The following SMURF2 variants were observed in gnomAD, a reference collection of about 807,000 sequenced individuals.
SMURF2 encodes SMAD specific E3 ubiquitin protein ligase 2.
A neutral mutation model predicts 109.6 loss-of-function variants in SMURF2; 48 were observed. The observed-to-expected ratio is 0.44, with a 90% confidence interval of 0.35 to 0.56. The LOEUF (loss-of-function observed/expected upper bound fraction) is 0.56, where lower values mean the gene tolerates loss of function less well. Among genes scored for constraint, SMURF2 ranks in the 20% least tolerant of loss-of-function variants. The probability of loss-of-function intolerance (pLI) is 0.01; values close to 1 mark genes in which losing one functional copy is unlikely to be tolerated. For synonymous variants in SMURF2, 288 were observed against 317.1 expected (o/e 0.91, Z 0.97); for missense variants, 575 against 909.0 (o/e 0.63, Z 4.72).
At chr17:64,555,420 A>G (rs1969104504) in intron 14 of SMURF2, among the ~76,000 whole-genome samples, 1 of 152,236 alleles carries the variant, frequency 6.6e-6, no homozygotes, top group Non-Finnish European at 1.5e-5. Context: ...AAACAGAATC[A>G]GTTCTTAGCT....
intron 1 of SMURF2, among the ~76,000 whole-genome samples, chr17:64,622,433 A>C (rs1970218794): frequency 6.6e-6 from 1 of 152,216 alleles, no homozygotes; most frequent in African/African-American, 2.4e-5. Flanking sequence ...ACCGTAATAC[A>C]TTTAGTCATG....
intron 10 of SMURF2, among the ~76,000 whole-genome samples, chr17:64,567,080 A>G (rs1198646604): frequency 6.7e-6 from 1 of 150,238 alleles, no homozygotes; most frequent in Non-Finnish European, 1.5e-5. Flanking sequence ...CTGATCTCCA[A>G]CTCCTGGCCT....
At chr17:64,567,096 GA>G (rs1969325232) in intron 10 of SMURF2, among the ~76,000 whole-genome samples, 1 of 151,746 alleles carries the variant, frequency 6.6e-6, no homozygotes, top group South Asian at 2.1e-4. Flanking sequence ...GGCCTCAAGT[GA>G]TCTACCCGCC....
chr17:64,656,845 T>C (rs1970712692), intron 1 of SMURF2, among the ~76,000 whole-genome samples: 1 of 152,166 alleles, frequency 6.6e-6, no homozygotes, highest in Non-Finnish European at 1.5e-5. Context: ...TCCTCCATAC[T>C]GCTCCCAGAT....
intron 1 of SMURF2, among the ~76,000 whole-genome samples, chr17:64,614,631 G>A (rs1164199278): frequency 1.3e-5 from 2 of 152,144 alleles, no homozygotes; most frequent in African/African-American, 4.8e-5. Flanking sequence ...TGATCAAAAT[G>A]AACTGACATC....
In SMURF2 at chr17:64,545,887, T is replaced by C; in HGVS notation, c.2208A>G (p.Leu736=). 6.2e-7 allele frequency: 1 copy of C among 1,612,558 alleles called. No individual in the cohort carries two copies. The highest frequency in any genetic ancestry group is 8.5e-7 in the Non-Finnish European group (1 of 1,178,620). Reference sequence around the variant, plus strand: ...ATCCACATGTTTCTTCAATGGCTGTTAGCAGCTTTTCATATAGCTTTTCAT... The same window carrying C: ...ATCCACATGTTTCTTCAATGGCTGTCAGCAGCTTTTCATATAGCTTTTCAT... ...ESYEKLYEKL[L]TAIEETCGFA... The change falls in exon 19 of 19, where the codon CTA becomes CTG. Residue 736 remains leucine, a synonymous_variant. Transcript: ENST00000262435.
rs781955616 is a variant in SMURF2 at position 64,583,431 on chromosome 17, G to C, written c.569+30C>G. On this transcript the variant is annotated intron_variant, in intron 7 of 18. Transcript: ENST00000262435. ...GGACTTCAGGAGGGTGGCTGGCATA[G>C]ATCATGAGAAAATATTTGTATGTTC... 4.5e-6 allele frequency: 7 copies of C among 1,568,508 alleles called. No homozygotes were observed. The Admixed American group carries it at 6.7e-5, about 15-fold the overall frequency.
At chr17:64,597,360 C>T (rs1364296161) in intron 3 of SMURF2, among the ~76,000 whole-genome samples, 2 of 152,098 alleles carry the variant, frequency 1.3e-5, no homozygotes. Flanking sequence ...CTACACTGAG[C>T]TATGATTATG....
At chr17:64,570,580 G>T (rs1412475432) in intron 10 of SMURF2, among the ~76,000 whole-genome samples, 5 of 152,176 alleles carry the variant, frequency 3.3e-5, no homozygotes, top group African/African-American at 1.2e-4. Flanking sequence ...AGCAAAGGAT[G>T]CAAATAATAT....
At chr17:64,570,958 A>AT (rs1969389604) in intron 10 of SMURF2, among the ~76,000 whole-genome samples, 3 of 151,976 alleles carry the variant, frequency 2.0e-5, no homozygotes, top group Non-Finnish European at 4.4e-5. Context: ...TTTTAAAAAA[A>AT]TTTTTTGAAG....
intron 1 of SMURF2, among the ~76,000 whole-genome samples, chr17:64,643,680 A>G (rs559106083): frequency 1.3e-5 from 2 of 152,166 alleles, no homozygotes; most frequent in South Asian, 4.1e-4. Context: ...TTCCCATACC[A>G]TTGTAAATAC....
chr17:64,553,462 G>T (rs1969074714), intron 15 of SMURF2, among the ~76,000 whole-genome samples: 1 of 151,702 alleles, frequency 6.6e-6, no homozygotes, highest in South Asian at 2.1e-4. Context: ...CCAAGATCTT[G>T]CCACTGCACT....
At chr17:64,571,763 C>G in intron 10 of SMURF2, 35 bp downstream of exon 10, 1 of 1,574,188 alleles carries the variant, frequency 6.4e-7, no homozygotes, top group South Asian at 1.2e-5. Context: ...TCATGTTTAA[C>G]TCCCATTTTA....
At chr17:64,640,810 T>A (rs1970483526) in intron 1 of SMURF2, among the ~76,000 whole-genome samples, 1 of 150,400 alleles carries the variant, frequency 6.6e-6, no homozygotes, top group Admixed American at 6.7e-5. Context: ...TCCCAGCTAC[T>A]CAGAAGGCTG....
At position 64,542,874 on chromosome 17, in the gene SMURF2, C is replaced by T. The variant is rs183034322; in HGVS notation, c.*2974G>A. The T allele has an allele frequency of 7.1e-6, 1 of 141,550 alleles. No individual in the cohort carries two copies. The highest frequency in any genetic ancestry group is 6.7e-5 in the Admixed American group (1 of 14,872). 8.8% of individuals were successfully genotyped at this position (141,550 alleles called of 1,614,324 possible). A position where few individuals can be genotyped will look rare whatever the true frequency, so the allele number is the denominator to read the frequency against. Reference sequence around the variant, plus strand: ...AACTATGTGCAAAACAAAATGTACACTATACACTATACACTATGCACTATT... The same window carrying T: ...AACTATGTGCAAAACAAAATGTACATTATACACTATACACTATGCACTATT... On this transcript the variant is annotated 3_prime_UTR_variant, in exon 19 of 19. Coordinates refer to ENST00000262435, the MANE Select transcript of SMURF2 (RefSeq NM_022739.4).
chr17:64,619,504 G>A (rs141433975), intron 1 of SMURF2, among the ~76,000 whole-genome samples: 2,954 of 117,448 alleles, frequency 0.025, 83 homozygotes, highest in Admixed American at 0.044. Context: ...AAAAAAAAAA[G>A]AAGAAGAATA....
At chr17:64,588,413 AATT>A (rs1284398036) in intron 5 of SMURF2, among the ~76,000 whole-genome samples, 1 of 152,102 alleles carries the variant, frequency 6.6e-6, no homozygotes, top group African/African-American at 2.4e-5. Context: ...AAAATTTTTT[AATT>A]ATTAAGTTAT....
At chr17:64,559,341 A>G (rs1342806756) in intron 12 of SMURF2, among the ~76,000 whole-genome samples, 1 of 152,172 alleles carries the variant, frequency 6.6e-6, no homozygotes, top group Admixed American at 6.5e-5. Flanking sequence ...CATGACTGTA[A>G]TCCCAGCACT....
At chr17:64,636,973 AC>A (rs1362203949) in intron 1 of SMURF2, among the ~76,000 whole-genome samples, 1 of 152,022 alleles carries the variant, frequency 6.6e-6, no homozygotes, top group Non-Finnish European at 1.5e-5. Context: ...TAATCCTGTC[AC>A]TTTGGCAGGC....
Sources: allele counts gnomAD v4.1 joint callset (sites outside exome capture counted in the v4.1 genomes callset), GRCh38; gene constraint gnomAD v4.1.1; transcripts MANE v1.5; gene names NCBI Gene and HGNC (gene_info 2026-07-23, HGNC 2026-07-21).